Variants in SH3BP5L observed in about 807,000 individuals in gnomAD.
SH3BP5L encodes the protein SH3 domain-binding protein 5-like.
In SH3BP5L, 16 loss-of-function variants were observed where a neutral mutation model predicts 40.9. The observed-to-expected ratio is 0.39, with a 90% CI of 0.27 to 0.59. SH3BP5L has a LOEUF of 0.59. Among genes scored for constraint, SH3BP5L ranks in the 20% least tolerant of loss-of-function variants. SH3BP5L has a pLI of 0.53. For synonymous variants in SH3BP5L, 229 were observed against 226.7 expected (o/e 1.01, Z -0.09); for missense variants, 471 against 544.6 (o/e 0.86, Z 1.35).
chr1:248,813,250 G>C, intron 5 of SH3BP5L, 88 bp from the exon 6 acceptor site: 4 of 1,372,024 alleles, frequency 2.9e-6, no homozygotes, highest in Non-Finnish European at 3.8e-6. Context: ...AACGCCCTGG[G>C]GGGAACCCAA....
Position 248,811,718 on chromosome 1 carries a change from G to T in SH3BP5L, c.*182C>A. 3.6e-6 allele frequency: 2 copies of T among 552,402 alleles called. No individual in the cohort carries two copies. The highest frequency in any genetic ancestry group is 6.4e-6 in the Non-Finnish European group (2 of 314,580). 34.2% of individuals were successfully genotyped at this position (552,402 alleles called of 1,614,324 possible). A position where few individuals can be genotyped will look rare whatever the true frequency, so the allele number is the denominator to read the frequency against. On this transcript the variant is annotated 3_prime_UTR_variant, in exon 7 of 7. Coordinates refer to ENST00000366472, the MANE Select transcript of SH3BP5L (RefSeq NM_030645.3). ...AAGAGAGCCGCCTGCTGAGGGGAAG[G>T]GGGAGGCTGTGAGAACGCCAGGGCA...
At chr1:248,819,729 A>C (rs7551393) in intron 2 of SH3BP5L, among the ~76,000 whole-genome samples, 1,474 of 147,268 alleles carry the variant, frequency 0.01, 34 homozygotes, top group African/African-American at 0.035. Context: ...AAAAAAAATC[A>C]CAAAAAAAAA....
intron 4 of SH3BP5L, 90 bp from the exon 5 acceptor site, chr1:248,814,700 G>C (rs761289478): frequency 1.5e-6 from 2 of 1,351,948 alleles, no homozygotes; most frequent in Admixed American, 3.4e-5. Context: ...AAGAGAAGGA[G>C]GAAGGCCTAC....
chr1:248,814,438 G>T lies in SH3BP5L; in HGVS notation c.537+11C>A. 6.2e-7 allele frequency: 1 copy of T among 1,613,506 alleles called. No homozygotes were observed. The highest frequency in any genetic ancestry group is 8.5e-7 in the Non-Finnish European group (1 of 1,179,890). On this transcript the variant is annotated intron_variant, in intron 5 of 6. Transcript: ENST00000366472. ...CCAGCGAAGGGGACCTGCTGGCACC[G>T]CCCGGCTCACCTTGCAGGTAGCATG...
At chr1:248,820,029 T>C (rs1006509864) in intron 2 of SH3BP5L, among the ~76,000 whole-genome samples, 2 of 152,184 alleles carry the variant, frequency 1.3e-5, no homozygotes, top group Non-Finnish European at 2.9e-5. Context: ...ATAATATTAT[T>C]ATCCATACTT....
At chr1:248,814,633 A>T in intron 4 of SH3BP5L, 23 bp from the exon 5 acceptor site, 1 of 1,614,120 alleles carries the variant, frequency 6.2e-7, no homozygotes, top group Non-Finnish European at 8.5e-7. Flanking sequence ...GGATATCAGG[A>T]TGGGGAACCC....
chr1:248,813,212 G>A (rs374016845), intron 5 of SH3BP5L, 50 bp from the exon 6 acceptor site: 26 of 1,449,744 alleles, frequency 1.8e-5, no homozygotes, highest in Non-Finnish European at 2.3e-5. Context: ...TCAGTCTCTG[G>A]CATCTGCCCC....
intron 4 of SH3BP5L, chr1:248,816,125 G>T (rs1479794861): frequency 5.9e-6 from 1 of 168,644 alleles, no homozygotes; most frequent in Admixed American, 5.6e-5. Context: ...GAAAAAAGGG[G>T]TGTGGGATGG....
At position 248,816,862 on chromosome 1, in the gene SH3BP5L, T is replaced by C. The variant is rs915618867; in HGVS notation, c.206A>G (p.Gln69Arg). ...RIQEELEHLN[Q>R]ASEEINQVEL... Reference sequence around the variant, plus strand: ...CACCTGGTTGATCTCCTCGCTGGCCTGGTTCAGGTGCTCCAACTCCTCCTG... The same window carrying C: ...CACCTGGTTGATCTCCTCGCTGGCCCGGTTCAGGTGCTCCAACTCCTCCTG... Residue 69 changes from glutamine to arginine, a missense_variant, in exon 3 of 7, where the codon CAG becomes CGG. This residue lies in a region of SH3BP5L where 275 missense variants were observed against 370.1 expected (regional missense o/e 0.74). Coordinates refer to ENST00000366472, the MANE Select transcript of SH3BP5L (RefSeq NM_030645.3). 2.5e-6 allele frequency: 4 copies of C among 1,614,048 alleles called. No individual in the cohort carries two copies. The highest frequency in any genetic ancestry group is 2.2e-5 in the East Asian group (1 of 44,886).
rs1051888193 is a variant in SH3BP5L at position 248,821,793 on chromosome 1, G to A, written c.183+2960C>T. Among the ~76,000 whole-genome samples, 7 of 152,170 alleles carry A rather than the reference G, an allele frequency of 4.6e-5. No individual in the cohort carries two copies. Among genetic ancestry groups the A allele is most frequent in the African/African-American group, 9.7e-5 (4 of 41,426 alleles). ...GCAGCCTTCCCTGGAGGGACAGCAC[G>A]CTCCAGGTAGGCACCAGCTGACTTC... On this transcript the variant is annotated intron_variant, in intron 2 of 6. Coordinates refer to ENST00000366472, the MANE Select transcript of SH3BP5L (RefSeq NM_030645.3). This position sits in a 1 kb window ranked among gnomAD's most constrained non-coding sequence, Gnocchi z 4.6.
intron 1 of SH3BP5L, chr1:248,825,629 A>G (rs528030688): frequency 2.7e-4 from 46 of 168,318 alleles, no homozygotes; most frequent in African/African-American, 9.9e-4. Context: ...GCTCTCCTCC[A>G]TCTCCTGTGG....
chr1:248,825,881 T>TCC lies in SH3BP5L; in HGVS notation c.-480_-479dup, dbSNP rs28362662. 5 of 941,896 alleles carry TCC rather than the reference T, an allele frequency of 5.3e-6. No individual in the cohort carries two copies. The highest frequency in any genetic ancestry group is 1.8e-5 in the African/African-American group (1 of 55,092). The allele number at this position is 941,896 out of a possible 1,614,324, so 58.3% of individuals were successfully genotyped here. A position where few individuals can be genotyped will look rare whatever the true frequency, so the allele number is the denominator to read the frequency against. The stretch of plus-strand genomic sequence containing the variant: ...CGGAGCTTCTATGCTGCAAACAATC[T>TCC]CCCCCCCTCCCTCCCCGCAACAAGC... On this transcript the variant is annotated 5_prime_UTR_variant, in exon 1 of 7. Transcript: ENST00000366472.
chr1:248,816,632 G>C lies in SH3BP5L; in HGVS notation c.277C>G (p.Gln93Glu). 6.2e-7 allele frequency: 1 copy of C among 1,614,110 alleles called. No individual in the cohort carries two copies. Among genetic ancestry groups the C allele is most frequent in the Non-Finnish European group, 8.5e-7 (1 of 1,180,030 alleles). Reference protein sequence around the residue: ...EARTTYRRILQESARKLNTQG... With the variant: ...EARTTYRRILEESARKLNTQG... The stretch of plus-strand genomic sequence containing the variant: ...GTATTCAGTTTCCTCGCCGACTCCT[G>C]TAGGATCCTCCGATAGGTGGTCCTG... Residue 93 changes from glutamine (Q) to glutamate (E), a missense_variant, in exon 4 of 7, where the codon CAG becomes GAG. Physicochemically the swap from Gln to Glu is conservative, Grantham distance 29 (BLOSUM62 2). This residue lies in a region of SH3BP5L where 275 missense variants were observed against 370.1 expected (regional missense o/e 0.74). Transcript: ENST00000366472.
At position 248,811,106 on chromosome 1, in the gene SH3BP5L, G is replaced by A. The variant is rs1446686208; in HGVS notation, c.*794C>T. On this transcript the variant is annotated 3_prime_UTR_variant, in exon 7 of 7. Transcript: ENST00000366472. Reference sequence around the variant, plus strand: ...TTCACCCCCAACATGGGCCCTCTTAGGGACCCACTAGCACCTTGGCAATGT... The same window carrying A: ...TTCACCCCCAACATGGGCCCTCTTAAGGACCCACTAGCACCTTGGCAATGT... 1 of 152,744 alleles carries A rather than the reference G, an allele frequency of 6.5e-6. No homozygotes were observed. The allele number at this position is 152,744 out of a possible 1,614,324, so 9.5% of individuals were successfully genotyped here.
chr1:248,813,126 G>A lies in SH3BP5L; in HGVS notation c.574C>T (p.Arg192Trp), dbSNP rs554983579. ...AGCCGAGTCACTCGCTGGTGCTCCC[G>A]CTCACCTCGAAGCCGCTCTTCCTCC... Reference protein sequence around the residue: ...EAEEERLRGEREHQRVTRLCQ... With the variant: ...EAEEERLRGEWEHQRVTRLCQ... The change falls in exon 6 of 7, where the codon CGG becomes TGG. Residue 192 changes from arginine (R) to tryptophan (W), a missense_variant. Coordinates refer to ENST00000366472, the MANE Select transcript of SH3BP5L (RefSeq NM_030645.3). 38 of 1,606,994 alleles carry A rather than the reference G, an allele frequency of 2.4e-5. No individual in the cohort carries two copies. Among genetic ancestry groups the A allele is most frequent in the Admixed American group, 5.0e-5 (3 of 59,512 alleles).
intron 1 of SH3BP5L, 42 bp from the exon 2 acceptor site, chr1:248,825,408 C>G (rs1664354922): frequency 5.1e-6 from 5 of 989,172 alleles, no homozygotes; most frequent in Non-Finnish European, 6.0e-6. Context: ...ATGTCAGCAT[C>G]AAAACCGCAG....
At position 248,811,849 on chromosome 1, in the gene SH3BP5L, C is replaced by T; in HGVS notation, c.*51G>A. On this transcript the variant is annotated 3_prime_UTR_variant, in exon 7 of 7. Coordinates refer to ENST00000366472, the MANE Select transcript of SH3BP5L (RefSeq NM_030645.3). The stretch of plus-strand genomic sequence containing the variant: ...GGAGAGGGCGTGAGAAGACTGTGGG[C>T]CCCAACCGGCCCGTGGTGGCAGATT... 2 of 1,332,834 alleles carry T rather than the reference C, an allele frequency of 1.5e-6. No homozygotes were observed. Among genetic ancestry groups the T allele is most frequent in the Non-Finnish European group, 2.0e-6 (2 of 989,530 alleles). The allele number at this position is 1,332,834 out of a possible 1,614,324, so 82.6% of individuals were successfully genotyped here. A position where few individuals can be genotyped will look rare whatever the true frequency, so the allele number is the denominator to read the frequency against.
At chr1:248,816,244 C>T in intron 4 of SH3BP5L, 1 of 338,522 alleles carries the variant, frequency 3.0e-6, no homozygotes, top group Non-Finnish European at 5.6e-6. Context: ...ACTGACATAT[C>T]TGATATACCC....
chr1:248,823,187 C>T (rs1664295179), intron 2 of SH3BP5L, among the ~76,000 whole-genome samples: 1 of 152,158 alleles, frequency 6.6e-6, no homozygotes, highest in Non-Finnish European at 1.5e-5. Context: ...GCAAGGAAGG[C>T]TGTAGGGAGG....
Sources: allele counts gnomAD v4.1 joint callset (sites outside exome capture counted in the v4.1 genomes callset), GRCh38; gene constraint gnomAD v4.1.1; regional missense constraint gnomAD v4.1.1; non-coding constraint Gnocchi (gnomAD v3.1); transcripts MANE v1.5; gene names NCBI Gene and HGNC (gene_info 2026-07-23, HGNC 2026-07-21).